RALGPS1: variants seen among roughly 807,000 people sequenced by gnomAD.
RALGPS1 encodes ras-specific guanine nucleotide-releasing factor RalGPS1.
In RALGPS1, 19 loss-of-function variants were observed where a neutral mutation model predicts 78.8. The observed-to-expected ratio is 0.24, with a 90% confidence interval of 0.17 to 0.35. The LOEUF is 0.35. Ranked by LOEUF, RALGPS1 falls within the 10% of genes least tolerant of loss-of-function variation. RALGPS1 has a pLI of 1.00. For synonymous variants in RALGPS1, 228 were observed against 256.3 expected (o/e 0.89, Z 1.06); for missense variants, 454 against 688.3 (o/e 0.66, Z 3.81).
chr9:127,185,626 T>G (rs886384025), intron 11 of RALGPS1, among the ~76,000 whole-genome samples: 1 of 152,246 alleles, frequency 6.6e-6, no homozygotes, highest in Non-Finnish European at 1.5e-5. Flanking sequence ...AAATGTTAGC[T>G]GCTGTCATTA....
intron 11 of RALGPS1, chr9:127,178,421 C>T: frequency 9.6e-7 from 1 of 1,043,536 alleles, no homozygotes; most frequent in Non-Finnish European, 1.2e-6. Flanking sequence ...AAATCTTCCT[C>T]CTTCACAGGG....
intron 4 of RALGPS1, 92 bp from the exon 5 acceptor site, chr9:127,034,339 C>A: frequency 8.6e-7 from 1 of 1,160,916 alleles, no homozygotes. Context: ...CCCTTTCCCA[C>A]CTTCATGCAT....
chr9:126,973,094 A>G (rs562221091), intron 3 of RALGPS1, among the ~76,000 whole-genome samples: 4 of 152,084 alleles, frequency 2.6e-5, no homozygotes, highest in Admixed American at 1.3e-4. Context: ...CAGGTTGAGC[A>G]TGGTGGCTTA....
chr9:127,049,274 C>T (rs946368008), intron 5 of RALGPS1, among the ~76,000 whole-genome samples: 19 of 152,126 alleles, frequency 1.2e-4, no homozygotes, highest in South Asian at 6.2e-4. Context: ...GAGTCTCTTC[C>T]GTTGCATTGA....
At chr9:126,931,029 G>A (rs2035741284) in intron 1 of RALGPS1, among the ~76,000 whole-genome samples, 1 of 152,198 alleles carries the variant, frequency 6.6e-6, no homozygotes, top group South Asian at 2.1e-4. Context: ...AAGTCAGAAG[G>A]TAATTAGGCC....
At chr9:127,103,689 A>G (rs2053949511) in intron 8 of RALGPS1, among the ~76,000 whole-genome samples, 1 of 152,218 alleles carries the variant, frequency 6.6e-6, no homozygotes, top group African/African-American at 2.4e-5. Context: ...GTTTTGTGTC[A>G]TTGGAACCAT....
At chr9:127,011,216 T>C (rs1589002820) in intron 4 of RALGPS1, among the ~76,000 whole-genome samples, 1 of 152,104 alleles carries the variant, frequency 6.6e-6, no homozygotes, top group South Asian at 2.1e-4. Context: ...TTGCTCTTGT[T>C]GTCCAGGCTG....
intron 8 of RALGPS1, among the ~76,000 whole-genome samples, chr9:127,157,890 T>C (rs535172189): frequency 2.0e-5 from 3 of 152,308 alleles, no homozygotes; most frequent in African/African-American, 7.2e-5. Context: ...ATTCTTGATT[T>C]GTTCCTATTT....
intron 14 of RALGPS1, among the ~76,000 whole-genome samples, chr9:127,210,315 C>CT (rs1456350425): frequency 1.3e-5 from 2 of 152,224 alleles, no homozygotes; most frequent in East Asian, 3.9e-4. Context: ...TCTGTGTGCA[C>CT]TTTTCACGTG....
intron 4 of RALGPS1, chr9:126,989,859 A>G: frequency 6.5e-7 from 1 of 1,548,738 alleles, no homozygotes; most frequent in South Asian, 1.2e-5. Flanking sequence ...GCTTGACTTG[A>G]CCAGCATCTG....
At chr9:127,153,113 A>G (rs1407831544) in intron 8 of RALGPS1, among the ~76,000 whole-genome samples, 4 of 152,188 alleles carry the variant, frequency 2.6e-5, no homozygotes, top group Non-Finnish European at 5.9e-5. Context: ...CACATATGAC[A>G]TAGTATATGT....
At chr9:127,139,955 C>T (rs769149084) in intron 8 of RALGPS1, among the ~76,000 whole-genome samples, 54 of 152,200 alleles carry the variant, frequency 3.5e-4, no homozygotes, top group Admixed American at 1.3e-4. Flanking sequence ...CCATGCCAGC[C>T]GCCATCCGCT....
chr9:126,924,527 C>G (rs1198046172), intron 1 of RALGPS1, among the ~76,000 whole-genome samples: 1 of 152,136 alleles, frequency 6.6e-6, no homozygotes, highest in Non-Finnish European at 1.5e-5. Context: ...CAAATGTGTC[C>G]ATTTGCTTTG....
intron 1 of RALGPS1, among the ~76,000 whole-genome samples, chr9:126,948,587 T>A (rs912049976): frequency 1.3e-5 from 2 of 152,158 alleles, no homozygotes; most frequent in Non-Finnish European, 2.9e-5. Context: ...TAGGCATCCC[T>A]GGGCTGGACT....
intron 1 of RALGPS1, among the ~76,000 whole-genome samples, chr9:126,948,377 C>T (rs1199293564): frequency 1.3e-5 from 2 of 151,842 alleles, no homozygotes; most frequent in African/African-American, 2.4e-5. Flanking sequence ...ATTAGCTGGG[C>T]GTGGTGGTGC....
intron 4 of RALGPS1, among the ~76,000 whole-genome samples, chr9:126,984,676 C>T (rs1403694714): frequency 6.6e-6 from 1 of 152,128 alleles, no homozygotes; most frequent in African/African-American, 2.4e-5. Flanking sequence ...ATTGTCCTGT[C>T]TTTGACCAGT....
At chr9:127,049,998 T>C (rs2048158140) in intron 5 of RALGPS1, 45 bp from the exon 6 acceptor site, 1 of 1,452,116 alleles carries the variant, frequency 6.9e-7, no homozygotes, top group Non-Finnish European at 9.7e-7. Flanking sequence ...AATTAACAAC[T>C]TTTCTGGTGT....
At chr9:127,131,061 A>G (rs1011470332) in intron 8 of RALGPS1, among the ~76,000 whole-genome samples, 1 of 152,176 alleles carries the variant, frequency 6.6e-6, no homozygotes, top group Non-Finnish European at 1.5e-5. Context: ...TAATTACACT[A>G]TTGGCCGCTC....
intron 5 of RALGPS1, among the ~76,000 whole-genome samples, chr9:127,043,940 C>T (rs1798885511): frequency 6.6e-6 from 1 of 152,180 alleles, no homozygotes. Context: ...ACACCAATTG[C>T]CGTCAAAGAT....
Sources: gnomAD v4.1 joint callset for allele counts (sites outside exome capture counted in the v4.1 genomes callset) on GRCh38, gnomAD v4.1.1 for gene constraint, MANE v1.5 for transcripts, NCBI Gene and HGNC (gene_info 2026-07-23, HGNC 2026-07-21) for gene names.